Variants in SKIC3 observed in about 807,000 individuals in gnomAD.
SKIC3 encodes superkiller complex protein 3.
the SKIC3 span, chr5:95,513,478 C>T: frequency 2.2e-6 from 3 of 1,351,170 alleles, no homozygotes; most frequent in Non-Finnish European, 3.1e-6. Flanking sequence ...CAGGCATAAG[C>T]CACTATGCCT....
At chr5:95,545,035 C>T in the SKIC3 span, among the ~76,000 whole-genome samples, 1 of 152,172 alleles carries the variant, frequency 6.6e-6, no homozygotes, top group African/African-American at 2.4e-5. Context: ...GCATTTATAA[C>T]TGATTAGCTA....
At chr5:95,469,656 C>G in the SKIC3 span, 4 of 1,292,376 alleles carry the variant, frequency 3.1e-6, no homozygotes, top group South Asian at 1.2e-5. Flanking sequence ...TATATAAATA[C>G]CCCCCAAAGT....
the SKIC3 span, chr5:95,529,392 A>G: frequency 1.4e-5 from 6 of 437,562 alleles, no homozygotes; most frequent in Non-Finnish European, 2.6e-5. Flanking sequence ...AAGACAAATC[A>G]GATTATAAAA....
the SKIC3 span, among the ~76,000 whole-genome samples, chr5:95,474,121 C>A: frequency 6.6e-6 from 1 of 152,310 alleles, no homozygotes; most frequent in East Asian, 1.9e-4. Context: ...CATTCTTCTG[C>A]AAATGACTAG....
the SKIC3 span, among the ~76,000 whole-genome samples, chr5:95,505,286 T>C: frequency 2.4e-4 from 37 of 152,292 alleles, no homozygotes; most frequent in Middle Eastern, 6.8e-3. Flanking sequence ...ATAGGCAACC[T>C]TCACTTCTAA....
At chr5:95,505,609 C>T in the SKIC3 span, among the ~76,000 whole-genome samples, 23,958 of 151,786 alleles carry the variant, frequency 0.16, 2,575 homozygotes, top group African/African-American at 0.3. Flanking sequence ...GTCAGGAGTT[C>T]GAGACCAGCC....
chr5:95,468,060 A>T, the SKIC3 span: 8 of 1,571,144 alleles, frequency 5.1e-6, no homozygotes, highest in Non-Finnish European at 6.9e-6. Context: ...TACTAATCTC[A>T]CACACACATT....
At chr5:95,513,777 C>T in the SKIC3 span, 2 of 739,302 alleles carry the variant, frequency 2.7e-6, no homozygotes, top group South Asian at 1.7e-5. Flanking sequence ...AAGTTTTTCA[C>T]TTCTATTGTT....
chr5:95,497,973 C>G, the SKIC3 span, among the ~76,000 whole-genome samples: 1 of 151,956 alleles, frequency 6.6e-6, no homozygotes, highest in African/African-American at 2.4e-5. Flanking sequence ...AATAATTAAC[C>G]ACTGCTACTA....
chr5:95,487,142 C>A, the SKIC3 span, among the ~76,000 whole-genome samples: 1 of 152,094 alleles, frequency 6.6e-6, no homozygotes, highest in South Asian at 2.1e-4. Context: ...AGCCTCCCAC[C>A]CTACATCTTT....
the SKIC3 span, among the ~76,000 whole-genome samples, chr5:95,483,196 T>A: frequency 6.6e-6 from 1 of 152,120 alleles, no homozygotes; most frequent in African/African-American, 2.4e-5. Context: ...TACATAAATG[T>A]ATTGTATATA....
At chr5:95,464,303 T>C in the SKIC3 span, 1 of 272,816 alleles carries the variant, frequency 3.7e-6, no homozygotes, top group South Asian at 4.8e-5. Flanking sequence ...GTAAAAGATA[T>C]TCTATTGTGC....
the SKIC3 span, among the ~76,000 whole-genome samples, chr5:95,505,632 T>A: frequency 1.3e-5 from 2 of 151,986 alleles, no homozygotes; most frequent in East Asian, 1.9e-4. Context: ...GCCAACACGG[T>A]GAAACTCCGT....
At chr5:95,480,665 T>A in the SKIC3 span, among the ~76,000 whole-genome samples, 1 of 152,144 alleles carries the variant, frequency 6.6e-6, no homozygotes, top group African/African-American at 2.4e-5. Flanking sequence ...ATATACCCTA[T>A]GTCCCACCAA....
the SKIC3 span, among the ~76,000 whole-genome samples, chr5:95,492,406 G>A: frequency 2.6e-5 from 4 of 151,524 alleles, no homozygotes; most frequent in Admixed American, 6.6e-5. Context: ...GGAGGCCGAG[G>A]CGGGCGGATC....
At chr5:95,537,120 C>T in the SKIC3 span, 1 of 1,613,424 alleles carries the variant, frequency 6.2e-7, no homozygotes, top group South Asian at 1.1e-5. Context: ...AATCCCAGTG[C>T]ATTCTCAAAA....
chr5:95,535,307 A>ATTTT, the SKIC3 span, among the ~76,000 whole-genome samples: 162 of 91,806 alleles, frequency 1.8e-3, no homozygotes, highest in African/African-American at 2.6e-3. Context: ...GGTAACAGCA[A>ATTTT]TTTTTTTTTT....
the SKIC3 span, among the ~76,000 whole-genome samples, chr5:95,483,899 A>G: frequency 2.6e-5 from 4 of 152,182 alleles, no homozygotes; most frequent in Non-Finnish European, 4.4e-5. Context: ...CCACTCAACA[A>G]TCTCCACAGT....
the SKIC3 span, chr5:95,464,473 C>T: frequency 4.5e-6 from 3 of 670,372 alleles, no homozygotes; most frequent in South Asian, 6.1e-5. Flanking sequence ...AACTTAAAAA[C>T]TTCAACTTCT....
Sources: allele counts gnomAD v4.1 joint callset (sites outside exome capture counted in the v4.1 genomes callset), GRCh38; gene constraint gnomAD v4.1.1; transcripts MANE v1.5; gene names NCBI Gene and HGNC (gene_info 2026-07-23, HGNC 2026-07-21).